GFOD1: variants seen among roughly 807,000 people sequenced by gnomAD.
GFOD1 encodes glucose-fructose oxidoreductase domain-containing protein 1.
In GFOD1, 9 loss-of-function variants were observed where a neutral mutation model predicts 25.4. The ratio of observed to expected loss-of-function variants is 0.35; its 90% CI spans 0.21 to 0.62. The LOEUF (loss-of-function observed/expected upper bound fraction) is 0.62, where lower values mean the gene tolerates loss of function less well. Ranked by LOEUF, GFOD1 falls within the 20% of genes least tolerant of loss-of-function variation. The pLI is 0.72. For synonymous variants in GFOD1, 253 were observed against 245.6 expected (o/e 1.03, Z -0.28); for missense variants, 403 against 556.9 (o/e 0.72, Z 2.78).
intron 1 of GFOD1, among the ~76,000 whole-genome samples, chr6:13,454,479 A>C (rs777625171): frequency 3.3e-5 from 5 of 152,326 alleles, no homozygotes; most frequent in East Asian, 1.9e-4. Flanking sequence ...ACAGGACATT[A>C]ATGCGGCTTC....
At chr6:13,449,358 A>G (rs1223302333) in intron 1 of GFOD1, among the ~76,000 whole-genome samples, 1 of 152,210 alleles carries the variant, frequency 6.6e-6, no homozygotes, top group African/African-American at 2.4e-5. Flanking sequence ...GCCAAGCATG[A>G]CAGTGCATAC....
chr6:13,468,463 G>T (rs753618004), intron 1 of GFOD1, among the ~76,000 whole-genome samples: 2 of 152,164 alleles, frequency 1.3e-5, no homozygotes, highest in South Asian at 2.1e-4. Flanking sequence ...GTGCATGTAG[G>T]TGTTTTCATT....
At chr6:13,421,655 T>G (rs1786259094) in intron 1 of GFOD1, among the ~76,000 whole-genome samples, 1 of 152,100 alleles carries the variant, frequency 6.6e-6, no homozygotes, top group Non-Finnish European at 1.5e-5. Context: ...ACCCTACCAC[T>G]GCAATCTTTA....
chr6:13,443,676 C>T (rs1302041557), intron 1 of GFOD1, among the ~76,000 whole-genome samples: 1 of 151,856 alleles, frequency 6.6e-6, no homozygotes, highest in Admixed American at 6.6e-5. Context: ...ATTAGCTGGG[C>T]ATGGTGGTGG....
In GFOD1 at chr6:13,408,035, G is replaced by T. The variant is rs79690032; in HGVS notation, c.254-42373C>A. ...TCCCAGAAAACTATAATCTGGTGAA[G>T]GCATGTGAGAAATGTGCCCTTCCCT... On this transcript the variant is annotated intron_variant, in intron 1 of 1. Coordinates refer to ENST00000379287, the MANE Select transcript of GFOD1 (RefSeq NM_018988.4). 6.6e-3 allele frequency: 6,456 copies of T among 985,342 alleles called. 319 individuals carry two copies. In the African/African-American group the frequency reaches 0.1, roughly 16 times the overall value. The allele number at this position is 985,342 out of a possible 1,614,324, so 61.0% of individuals were successfully genotyped here.
intron 1 of GFOD1, among the ~76,000 whole-genome samples, chr6:13,434,856 A>G (rs1170750976): frequency 2.6e-5 from 4 of 152,224 alleles, no homozygotes; most frequent in African/African-American, 9.6e-5. Flanking sequence ...ACGTGGTTGG[A>G]AAAATCAGAG....
chr6:13,367,493 G>A (rs1160944852), intron 1 of GFOD1, among the ~76,000 whole-genome samples: 1 of 152,106 alleles, frequency 6.6e-6, no homozygotes, highest in South Asian at 2.1e-4. Flanking sequence ...TTCAGGGTGG[G>A]GTATGTTGCT....
At chr6:13,432,055 G>C (rs1403413041) in intron 1 of GFOD1, among the ~76,000 whole-genome samples, 1 of 152,054 alleles carries the variant, frequency 6.6e-6, no homozygotes, top group Admixed American at 6.6e-5. Context: ...CTCAGCCCCA[G>C]CAAGGCCCAA....
In GFOD1 at chr6:13,365,812, A is replaced by C; in HGVS notation, c.254-150T>G. On this transcript the variant is annotated intron_variant, in intron 1 of 1. Transcript: ENST00000379287. The surrounding 1 kb of genome is among the most constrained non-coding windows in gnomAD (Gnocchi z 9.2). ...GTTGTCCCAGCACTTTGGGAGGCCAAGGCCGGAGGAGGCCTTGAGCCCAGG... is the reference window on the plus strand; with the variant it reads ...GTTGTCCCAGCACTTTGGGAGGCCACGGCCGGAGGAGGCCTTGAGCCCAGG... The C allele has an allele frequency of 1.5e-6, 1 of 645,948 alleles. No homozygotes were observed. Among genetic ancestry groups the C allele is most frequent in the Non-Finnish European group, 2.6e-6 (1 of 383,894 alleles). 40.0% of individuals were successfully genotyped at this position (645,948 alleles called of 1,614,324 possible). A position where few individuals can be genotyped will look rare whatever the true frequency, so the allele number is the denominator to read the frequency against.
intron 1 of GFOD1, among the ~76,000 whole-genome samples, chr6:13,443,317 A>C (rs1757946093): frequency 6.6e-6 from 1 of 152,234 alleles, no homozygotes; most frequent in African/African-American, 2.4e-5. Context: ...TGCTCTGAAC[A>C]CTGTTGTAAT....
At chr6:13,428,888 T>C (rs1313682259) in intron 1 of GFOD1, among the ~76,000 whole-genome samples, 1 of 152,216 alleles carries the variant, frequency 6.6e-6, no homozygotes, top group Non-Finnish European at 1.5e-5. Context: ...GTAAAATGTA[T>C]AGCTTCCCGC....
chr6:13,368,178 A>T (rs1257422542), intron 1 of GFOD1, among the ~76,000 whole-genome samples: 4 of 152,240 alleles, frequency 2.6e-5, no homozygotes, highest in Non-Finnish European at 5.9e-5. Flanking sequence ...GAGAAAGGAA[A>T]TACAAACCAT....
chr6:13,431,523 G>C (rs528698299), intron 1 of GFOD1, among the ~76,000 whole-genome samples: 1 of 152,308 alleles, frequency 6.6e-6, no homozygotes, highest in African/African-American at 2.4e-5. Flanking sequence ...CGCTGAAAGA[G>C]CCTTCCCTCC....
intron 1 of GFOD1, among the ~76,000 whole-genome samples, chr6:13,420,992 C>A (rs927758223): frequency 2.0e-5 from 3 of 152,170 alleles, no homozygotes; most frequent in African/African-American, 7.2e-5. Context: ...AGCCACGAAC[C>A]ACCTAAATGT....
At chr6:13,372,253 A>T (rs1344999193) in intron 1 of GFOD1, among the ~76,000 whole-genome samples, 9 of 152,224 alleles carry the variant, frequency 5.9e-5, no homozygotes, top group Non-Finnish European at 1.3e-4. Flanking sequence ...CCTGATCTTC[A>T]TCAGAAGCTT....
chr6:13,449,577 T>C (rs1460406272), intron 1 of GFOD1, among the ~76,000 whole-genome samples: 2 of 152,222 alleles, frequency 1.3e-5, no homozygotes, highest in Non-Finnish European at 2.9e-5. Flanking sequence ...GTTCCCATAA[T>C]TCCCATGTGT....
At chr6:13,390,081 C>G (rs527603666) in intron 1 of GFOD1, among the ~76,000 whole-genome samples, 1 of 152,136 alleles carries the variant, frequency 6.6e-6, no homozygotes, top group East Asian at 1.9e-4. Context: ...CTGGGACATC[C>G]CCCCTGAGGA....
At chr6:13,453,221 G>T (rs1210346919) in intron 1 of GFOD1, among the ~76,000 whole-genome samples, 1 of 152,178 alleles carries the variant, frequency 6.6e-6, no homozygotes, top group Non-Finnish European at 1.5e-5. Flanking sequence ...TTTCCATCCT[G>T]CTTCCAGGTC....
chr6:13,374,855 G>GT (rs547322610), intron 1 of GFOD1, among the ~76,000 whole-genome samples: 499 of 144,654 alleles, frequency 3.4e-3, no homozygotes, highest in Middle Eastern at 0.012. Flanking sequence ...CAATTCTCCT[G>GT]TCTCAGCCTC....
Sources: allele counts gnomAD v4.1 joint callset (sites outside exome capture counted in the v4.1 genomes callset), GRCh38; gene constraint gnomAD v4.1.1; non-coding constraint Gnocchi (gnomAD v3.1); transcripts MANE v1.5; gene names NCBI Gene and HGNC (gene_info 2026-07-23, HGNC 2026-07-21).